Variants in MID1 observed in about 807,000 individuals in gnomAD.
MID1 encodes midline 1.
A neutral mutation model predicts 40.4 loss-of-function variants in MID1; 7 were observed. The ratio of observed to expected loss-of-function variants is 0.17; its 90% CI spans 0.10 to 0.33. The LOEUF is 0.33. Among genes scored for constraint, MID1 ranks in the 10% least tolerant of loss-of-function variants. The pLI is 1.00. For missense variants in MID1, 367 were observed against 558.5 expected, an observed-to-expected ratio of 0.66 and a Z score of 3.46; for synonymous variants, 229 against 221.2, an observed-to-expected ratio of 1.04 and a Z score of -0.31.
intron 2 of MID1, among the ~76,000 whole-genome samples, chrX:10,562,644 CA>C (rs200911479): frequency 0.022 from 2,214 of 102,815 alleles, 293 homozygotes; most frequent in African/African-American, 0.073. Flanking sequence ...TTTGTAACTT[CA>C]AAAAAAAACC....
intron 3 of MID1, among the ~76,000 whole-genome samples, chrX:10,517,044 A>G (rs140595676): frequency 8.9e-6 from 1 of 111,862 alleles, no homozygotes; most frequent in African/African-American, 3.3e-5. Context: ...GGGTGGCTGA[A>G]GGGGAACCTT....
rs778269428 is a variant in MID1, at chrX:10,669,220, C to T, written c.-186-48801G>A. 1.9e-3 allele frequency among the ~76,000 whole-genome samples: 168 copies of T among 86,233 alleles called. 1 individual carries two copies. Among genetic ancestry groups the T allele is most frequent in the African/African-American group, 7.9e-3 (157 of 19,900 alleles). 74.9% of individuals were successfully genotyped at this position (86,233 alleles called of 115,157 possible). ...CGGCCTGGGCGACAGAGTGAGACTC[C>T]GTCTCAAAATAAAAAAAAAAAAAAA... On this transcript the variant is annotated intron_variant, in intron 1 of 10. Transcript: ENST00000380785.
At chrX:10,465,823 G>C (rs1330902308) in intron 7 of MID1, among the ~76,000 whole-genome samples, 1 of 111,882 alleles carries the variant, frequency 8.9e-6, no homozygotes, top group Non-Finnish European at 1.9e-5. Context: ...ACCCTAAGAA[G>C]AAGACCCAGC....
At chrX:10,592,173 A>ATG (rs1181158032) in intron 1 of MID1, among the ~76,000 whole-genome samples, 1 of 99,623 alleles carries the variant, frequency 1.0e-5, no homozygotes, top group Non-Finnish European at 2.0e-5. Context: ...GTGTGTGTAT[A>ATG]TGTGTGTGTG....
At chrX:10,487,077 C>T (rs1396727602) in intron 4 of MID1, among the ~76,000 whole-genome samples, 1 of 111,632 alleles carries the variant, frequency 9.0e-6, no homozygotes, top group Non-Finnish European at 1.9e-5. Context: ...CCAGGCTGGT[C>T]TCAAACTCCT....
intron 1 of MID1, among the ~76,000 whole-genome samples, chrX:10,640,262 A>C (rs1319438141): frequency 4.5e-5 from 5 of 111,868 alleles, no homozygotes; most frequent in African/African-American, 1.3e-4. Context: ...TGCTGTATTC[A>C]GGAGACCCAT....
chrX:10,558,216 G>A (rs1297917323), intron 2 of MID1, among the ~76,000 whole-genome samples: 1 of 111,361 alleles, frequency 9.0e-6, no homozygotes, highest in African/African-American at 3.3e-5. Flanking sequence ...GGCACCCTGT[G>A]CTCTAGTTAG....
intron 1 of MID1, among the ~76,000 whole-genome samples, chrX:10,666,036 G>A (rs2059769180): frequency 9.2e-6 from 1 of 108,118 alleles, no homozygotes; most frequent in African/African-American, 3.4e-5. Context: ...TCTCAAGCAG[G>A]GGATGGCTGG....
intron 1 of MID1, among the ~76,000 whole-genome samples, chrX:10,829,957 C>T (rs758422888): frequency 2.7e-5 from 3 of 112,146 alleles, no homozygotes; most frequent in African/African-American, 9.7e-5. Flanking sequence ...TAGCTCTTCT[C>T]CATGTGGCAC....
intron 1 of MID1, among the ~76,000 whole-genome samples, chrX:10,579,933 G>T (rs1934965919): frequency 2.7e-5 from 3 of 109,856 alleles, no homozygotes; most frequent in African/African-American, 9.9e-5. Context: ...ATGAAAACAG[G>T]ATATTAAGAA....
At chrX:10,735,581 A>G (rs1013546159) in intron 1 of MID1, among the ~76,000 whole-genome samples, 1 of 112,674 alleles carries the variant, frequency 8.9e-6, no homozygotes, top group Non-Finnish European at 1.9e-5. Context: ...TTTTATGTAT[A>G]AGTGAGTATC....
chrX:10,608,187 C>T (rs1206941177), intron 1 of MID1, among the ~76,000 whole-genome samples: 2 of 112,294 alleles, frequency 1.8e-5, no homozygotes, highest in Non-Finnish European at 3.8e-5. Flanking sequence ...CTCTGCAATA[C>T]GCTTTGGCAG....
At chrX:10,463,264 A>G in intron 7 of MID1, among the ~76,000 whole-genome samples, 1 of 112,416 alleles carries the variant, frequency 8.9e-6, no homozygotes, top group Admixed American at 9.5e-5. Flanking sequence ...GTAAGATTGA[A>G]AAAGCTCCAT....
intron 1 of MID1, among the ~76,000 whole-genome samples, chrX:10,669,337 C>A (rs932178047): frequency 4.6e-5 from 5 of 109,154 alleles, no homozygotes; most frequent in African/African-American, 1.7e-4. Flanking sequence ...ATAGTCAGTT[C>A]TCACCTTCAA....
chrX:10,714,671 T>C (rs781021597), intron 1 of MID1, among the ~76,000 whole-genome samples: 11 of 112,446 alleles, frequency 9.8e-5, no homozygotes, highest in Non-Finnish European at 2.1e-4. Context: ...TAAAAGTAAG[T>C]CACATGTAGC....
intron 9 of MID1, 62 bp from the exon 10 acceptor site, chrX:10,449,778 C>G: frequency 1.2e-6 from 1 of 814,364 alleles, no homozygotes; most frequent in South Asian, 2.1e-5. Context: ...ACGTTAAATC[C>G]GTTCTGTGGT....
At chrX:10,776,200 G>A (rs2043801653) in intron 1 of MID1, among the ~76,000 whole-genome samples, 1 of 111,530 alleles carries the variant, frequency 9.0e-6, no homozygotes, top group Non-Finnish European at 1.9e-5. Context: ...GTTTGATCTT[G>A]ATAATATGCC....
intron 1 of MID1, among the ~76,000 whole-genome samples, chrX:10,756,562 C>T (rs2043634038): frequency 8.9e-6 from 1 of 111,894 alleles, no homozygotes; most frequent in Non-Finnish European, 1.9e-5. Flanking sequence ...ACATTCCTAC[C>T]ATGTGAAGTC....
intron 3 of MID1, among the ~76,000 whole-genome samples, chrX:10,510,195 C>A (rs1486221005): frequency 1.8e-5 from 2 of 111,961 alleles, no homozygotes; most frequent in Admixed American, 9.4e-5. Flanking sequence ...TTCCTACACA[C>A]ATATTTTTAA....
Sources: gnomAD v4.1 joint callset for allele counts (sites outside exome capture counted in the v4.1 genomes callset) on GRCh38, gnomAD v4.1.1 for gene constraint, MANE v1.5 for transcripts, NCBI Gene and HGNC (gene_info 2026-07-23, HGNC 2026-07-21) for gene names.